SUPT16H: variants seen among roughly 807,000 people sequenced by gnomAD.
SUPT16H encodes the protein SPT16 homolog, facilitates chromatin remodeling subunit.
SUPT16H carries 24 observed loss-of-function variants against 136.2 expected under a neutral mutation model. The ratio of observed to expected loss-of-function variants is 0.18; its 90% CI spans 0.13 to 0.25. SUPT16H has a LOEUF of 0.25. Among genes scored for constraint, SUPT16H ranks in the 10% least tolerant of loss-of-function variants. SUPT16H has a pLI of 1.00. For synonymous variants in SUPT16H, 415 were observed against 428.2 expected, an observed-to-expected ratio of 0.97 and a Z score of 0.38; for missense variants, 623 against 1,270.2, an observed-to-expected ratio of 0.49 and a Z score of 7.74.
chr14:21,360,312 G>T, intron 18 of SUPT16H, 103 bp downstream of exon 18: 1 of 906,474 alleles, frequency 1.1e-6, no homozygotes, highest in Non-Finnish European at 1.7e-6. Flanking sequence ...GTGGGCATGA[G>T]CCACCGCGCC....
chr14:21,373,055 C>T (rs761212049), intron 2 of SUPT16H, among the ~76,000 whole-genome samples: 2 of 152,082 alleles, frequency 1.3e-5, no homozygotes, highest in Non-Finnish European at 1.5e-5. Flanking sequence ...GCCATCCTCC[C>T]ATCTCAGCCT....
At chr14:21,376,005 CAGTT>C (rs1341942709) in intron 1 of SUPT16H, among the ~76,000 whole-genome samples, 2 of 152,244 alleles carry the variant, frequency 1.3e-5, no homozygotes, top group Non-Finnish European at 2.9e-5. Context: ...TTAGCTGTCA[CAGTT>C]AGGTCTATGA....
chr14:21,364,990 T>C, intron 9 of SUPT16H, 51 bp from the exon 10 acceptor site: 1 of 1,607,432 alleles, frequency 6.2e-7, no homozygotes, highest in Non-Finnish European at 8.5e-7. Context: ...TGTGGAGAGG[T>C]GTGAGACATA....
rs540841109 is a variant in SUPT16H at position 21,352,602 on chromosome 14, G to C, written c.*71C>G. The C allele has an allele frequency of 8.7e-6, 14 of 1,605,082 alleles. No homozygotes were observed. In the East Asian group the frequency reaches 3.1e-4, roughly 36 times the overall value. On this transcript the variant is annotated 3_prime_UTR_variant, in exon 26 of 26. Coordinates refer to ENST00000216297, the MANE Select transcript of SUPT16H (RefSeq NM_007192.4). Reference sequence around the variant, plus strand: ...AAATGAAAACGAAAGGAAAAATACAGTTTCTATGTCATGTAAAATTTTCAG... The same window carrying C: ...AAATGAAAACGAAAGGAAAAATACACTTTCTATGTCATGTAAAATTTTCAG...
chr14:21,358,800 GTTTA>G (rs141570149), intron 19 of SUPT16H, among the ~76,000 whole-genome samples: 14 of 152,020 alleles, frequency 9.2e-5, no homozygotes, highest in South Asian at 2.1e-4. Flanking sequence ...ATTCAGGGTT[GTTTA>G]TTTATTTATT....
In SUPT16H at chr14:21,359,808, G is replaced by A. The variant is rs909424301; in HGVS notation, c.2176-199C>T. Among the ~76,000 whole-genome samples, 3 of 152,086 alleles carry A rather than the reference G, an allele frequency of 2.0e-5. No homozygotes were observed. In the East Asian group the frequency reaches 5.8e-4, roughly 29 times the overall value. ...AAGTGCTGTGCTCCTACTTATTACA[G>A]GAACTTTGGAAATCATGTTGGTAAC... On this transcript the variant is annotated intron_variant, in intron 18 of 25. Coordinates refer to ENST00000216297, the MANE Select transcript of SUPT16H (RefSeq NM_007192.4).
chr14:21,372,091 T>C, intron 2 of SUPT16H, 47 bp from the exon 3 acceptor site: 1 of 1,561,096 alleles, frequency 6.4e-7, no homozygotes, highest in Non-Finnish European at 8.7e-7. Flanking sequence ...GATACAAAAA[T>C]TAATGGACTC....
chr14:21,367,773 A>G (rs990550784), intron 7 of SUPT16H, among the ~76,000 whole-genome samples: 2 of 152,238 alleles, frequency 1.3e-5, no homozygotes, highest in Non-Finnish European at 2.9e-5. Flanking sequence ...GTAAACCACA[A>G]TGATCACTCA....
rs555192392 is a variant in SUPT16H at position 21,369,801 on chromosome 14, G to T, written c.579C>A (p.Val193=). 2.5e-6 allele frequency: 4 copies of T among 1,614,140 alleles called. No homozygotes were observed. The South Asian group carries it at 3.3e-5, about 13-fold the overall frequency. The change falls in exon 5 of 26, where the codon GTC becomes GTA. Residue 193 remains valine, a synonymous_variant. Coordinates refer to ENST00000216297, the MANE Select transcript of SUPT16H (RefSeq NM_007192.4). ...CTCTTTCCTTGAAGAATTTGTTGAA[G>T]ACTTCAGAAGTGATGCTGGCTGCTT... The part of the protein sequence containing the change: ...MKKAASITSE[V]FNKFFKERVM...
At chr14:21,372,627 A>G (rs1886811485) in intron 2 of SUPT16H, 2 of 425,310 alleles carry the variant, frequency 4.7e-6, no homozygotes, top group Non-Finnish European at 9.1e-6. Flanking sequence ...AAACACCTGG[A>G]GTTCTAGAAG....
At chr14:21,361,403 G>A (rs1344731974) in intron 15 of SUPT16H, 190 bp from the exon 16 acceptor site, 48 of 645,838 alleles carry the variant, frequency 7.4e-5, no homozygotes, top group Non-Finnish European at 6.2e-5. Context: ...TGCAACCTTC[G>A]CCTCCTGGGT....
chr14:21,355,453 A>G (rs375094234), intron 22 of SUPT16H, among the ~76,000 whole-genome samples: 2 of 149,198 alleles, frequency 1.3e-5, no homozygotes, highest in Non-Finnish European at 3.0e-5. Context: ...AGATCGTGCC[A>G]CTGCACTCCA....
Position 21,362,318 on chromosome 14 carries a change from T to A in SUPT16H, c.1672A>T (p.Ser558Cys), listed in dbSNP as rs756434202. Residue 558 changes from serine (S) to cysteine (C), a missense_variant, in exon 15 of 26, where the codon AGT (serine) becomes TGT (cysteine). Around this residue, in one of 7 missense-constraint regions of SUPT16H, gnomAD observed 62 missense variants for 200.5 expected, o/e 0.31. Transcript: ENST00000216297. ...GTATAATCTCCTTCCACGGACATAC[T>A]TATATTCTGTTCAAAGGAAAAGCAT... Reference protein sequence around the residue: ...PFHIATIKNISMSVEGDYTYL... With the variant: ...PFHIATIKNICMSVEGDYTYL... The A allele has an allele frequency of 6.2e-7, 1 of 1,612,682 alleles. No homozygotes were observed. The highest frequency in any genetic ancestry group is 8.5e-7 in the Non-Finnish European group (1 of 1,179,544).
chr14:21,382,666 G>C (rs1214104478), intron 1 of SUPT16H, among the ~76,000 whole-genome samples: 3 of 50,402 alleles, frequency 6.0e-5, no homozygotes, highest in Non-Finnish European at 2.2e-4. Context: ...GATTATGTTT[G>C]AATAATATGA....
chr14:21,370,153 A>T (rs1012891134), intron 4 of SUPT16H, among the ~76,000 whole-genome samples, 183 bp downstream of exon 4: 2 of 152,190 alleles, frequency 1.3e-5, no homozygotes, highest in African/African-American at 2.4e-5. Flanking sequence ...CGTTTTTTGT[A>T]AAGGCAGATA....
chr14:21,372,238 A>G (rs1010900444), intron 2 of SUPT16H, 194 bp from the exon 3 acceptor site: 7 of 546,220 alleles, frequency 1.3e-5, no homozygotes, highest in Non-Finnish European at 2.2e-5. Flanking sequence ...AGAACAGGAC[A>G]ATGGGGTTCA....
At chr14:21,364,636 A>C (rs1053212375) in intron 10 of SUPT16H, among the ~76,000 whole-genome samples, 191 bp downstream of exon 10, 3 of 152,226 alleles carry the variant, frequency 2.0e-5, no homozygotes, top group Non-Finnish European at 2.9e-5. Flanking sequence ...ATATGACAAT[A>C]TGATTTAAAG....
Position 21,351,482 on chromosome 14 carries a change from AAAAC to A in SUPT16H, c.*1187_*1190del. The stretch of plus-strand genomic sequence containing the variant: ...ATGAACGGTCACAGGTGAATTTACA[AAAAC>A]AAACAACAAAAAAAACCCAGTTTAT... On this transcript the variant is annotated 3_prime_UTR_variant, in exon 26 of 26. Coordinates refer to ENST00000216297, the MANE Select transcript of SUPT16H (RefSeq NM_007192.4). 1.3e-5 allele frequency: 4 copies of A among 312,598 alleles called. No homozygotes were observed. Among genetic ancestry groups the A allele is most frequent in the Non-Finnish European group, 2.3e-5 (4 of 170,892 alleles). The allele number at this position is 312,598 out of a possible 1,614,324, so 19.4% of individuals were successfully genotyped here.
chr14:21,356,389 T>G lies in SUPT16H; in HGVS notation c.2660+808A>C, dbSNP rs540819241. On this transcript the variant is annotated intron_variant, in intron 22 of 25. Coordinates refer to ENST00000216297, the MANE Select transcript of SUPT16H (RefSeq NM_007192.4). Reference sequence around the variant, plus strand: ...TTCCACCAGCTTCAGCAGAGAGATCTCACAATCCACAGGGCATCAGGCAGA... The same window carrying G: ...TTCCACCAGCTTCAGCAGAGAGATCGCACAATCCACAGGGCATCAGGCAGA... Among the ~76,000 whole-genome samples, 8 of 152,290 alleles carry G rather than the reference T, an allele frequency of 5.3e-5. No homozygotes were observed. The East Asian group carries it at 1.2e-3, about 22-fold the overall frequency.
Sources: allele counts gnomAD v4.1 joint callset (sites outside exome capture counted in the v4.1 genomes callset), GRCh38; gene constraint gnomAD v4.1.1; regional missense constraint gnomAD v4.1.1; transcripts MANE v1.5; gene names NCBI Gene and HGNC (gene_info 2026-07-23, HGNC 2026-07-21).